HAUS2: variants seen among roughly 807,000 people sequenced by gnomAD.
The protein encoded by HAUS2 is HAUS augmin like complex subunit 2, also known as HAUS augmin-like complex subunit 2.
Under a neutral mutation model 21.6 loss-of-function variants are expected in HAUS2, and 20 were observed. That is an observed-to-expected ratio of 0.93 (90% CI 0.65 to 1.35). HAUS2 has a LOEUF of 1.35. HAUS2 is among the 40% of genes most tolerant of loss of function. The pLI is 0.00. For missense variants in HAUS2, 297 were observed against 280.7 expected, an observed-to-expected ratio of 1.06 and a Z score of -0.42; for synonymous variants, 113 against 95.6, an observed-to-expected ratio of 1.18 and a Z score of -1.06.
chr15:42,558,173 A>G (rs781474727), intron 1 of HAUS2, 25 bp from the exon 2 acceptor site: 2 of 1,003,708 alleles, frequency 2.0e-6, no homozygotes, highest in South Asian at 2.8e-5. Context: ...ACATTCTGCT[A>G]CTTTCCTTAT....
At chr15:42,562,588 C>G (rs939311734) in intron 4 of HAUS2, among the ~76,000 whole-genome samples, 72 of 152,248 alleles carry the variant, frequency 4.7e-4, no homozygotes, top group African/African-American at 1.7e-3. Flanking sequence ...GGGTGAGACT[C>G]TGTCTCAAAA....
intron 1 of HAUS2, among the ~76,000 whole-genome samples, chr15:42,555,237 C>T (rs542280935): frequency 9.2e-5 from 14 of 152,134 alleles, no homozygotes; most frequent in South Asian, 4.2e-4. Context: ...CTGCCCACCT[C>T]GGCCTCCCAA....
intron 3 of HAUS2, chr15:42,560,904 T>C (rs1236987913): frequency 1.4e-6 from 1 of 697,812 alleles, no homozygotes; most frequent in Non-Finnish European, 2.6e-6. Context: ...GGTGACTCTT[T>C]TTCGATGGTC....
chr15:42,558,182 A>T lies in HAUS2; in HGVS notation c.94-16A>T. ...TTTGTGACATTCTGCTACTTTCCTT[A>T]TTCATTTACCAATAGGAGATGTTAA... On this transcript the variant is annotated splice_polypyrimidine_tract_variant and intron_variant, in intron 1 of 5. Coordinates refer to ENST00000260372, the MANE Select transcript of HAUS2 (RefSeq NM_018097.3). 1 of 1,131,060 alleles carries T rather than the reference A, an allele frequency of 8.8e-7. No homozygotes were observed. The highest frequency in any genetic ancestry group is 1.3e-6 in the Non-Finnish European group (1 of 752,334). 70.1% of individuals were successfully genotyped at this position (1,131,060 alleles called of 1,614,324 possible). A position where few individuals can be genotyped will look rare whatever the true frequency, so the allele number is the denominator to read the frequency against.
At chr15:42,559,488 A>T (rs2057826887) in intron 3 of HAUS2, 80 bp downstream of exon 3, 2 of 795,630 alleles carry the variant, frequency 2.5e-6, no homozygotes, top group South Asian at 2.8e-5. Flanking sequence ...CAGTCAGTCA[A>T]ATTATGATAC....
chr15:42,548,878 C>A lies in HAUS2; in HGVS notation c.6C>A (p.Ala2=), dbSNP rs573761871. 2.6e-5 allele frequency: 40 copies of A among 1,549,166 alleles called. No individual in the cohort carries two copies. In the East Asian group the frequency reaches 7.8e-4, roughly 30 times the overall value. Residue 2 remains alanine, a synonymous_variant, in exon 1 of 6, where the codon GCC becomes GCA. Coordinates refer to ENST00000260372, the MANE Select transcript of HAUS2 (RefSeq NM_018097.3). ...GCGGAAGGTGCGTCCGAGCCATGGCCGCTGCCAACCCGTGGGACCCGGCGT... is the reference window on the plus strand; with the variant it reads ...GCGGAAGGTGCGTCCGAGCCATGGCAGCTGCCAACCCGTGGGACCCGGCGT... M[A]AANPWDPASA...
rs188293462 is a variant in HAUS2, at chr15:42,560,854, A to C, written c.257-416A>C. The C allele has an allele frequency of 5.3e-5, 37 of 702,090 alleles. No individual in the cohort carries two copies. The East Asian group carries it at 9.4e-4, about 18-fold the overall frequency. The allele number at this position is 702,090 out of a possible 1,614,324, so 43.5% of individuals were successfully genotyped here. ...TCAATTCTCCCGTTTCAGTCTCCCA[A>C]AACACTGCGATTACAGGTATGAGCT... On this transcript the variant is annotated intron_variant, in intron 3 of 5. Coordinates refer to ENST00000260372, the MANE Select transcript of HAUS2 (RefSeq NM_018097.3).
At chr15:42,555,796 G>A (rs1366426564) in intron 1 of HAUS2, among the ~76,000 whole-genome samples, 3 of 152,126 alleles carry the variant, frequency 2.0e-5, no homozygotes, top group Non-Finnish European at 4.4e-5. Flanking sequence ...AAGAGCCAGA[G>A]AGTAAATATG....
At chr15:42,555,273 A>G (rs1047792773) in intron 1 of HAUS2, among the ~76,000 whole-genome samples, 6 of 151,846 alleles carry the variant, frequency 4.0e-5, no homozygotes, top group Non-Finnish European at 8.8e-5. Flanking sequence ...GCCGTGAGCC[A>G]CGGCGCCCGG....
intron 1 of HAUS2, among the ~76,000 whole-genome samples, chr15:42,557,508 A>G (rs1312118362): frequency 5.0e-5 from 6 of 119,178 alleles, no homozygotes; most frequent in Admixed American, 1.8e-4. Flanking sequence ...TATATAATGT[A>G]TATATTATAT....
At chr15:42,559,520 G>A (rs1310313325) in intron 3 of HAUS2, 112 bp downstream of exon 3, 1 of 679,918 alleles carries the variant, frequency 1.5e-6, no homozygotes, top group Admixed American at 2.4e-5. Flanking sequence ...TCCAGGTGTT[G>A]TCCCAAAGCT....
At chr15:42,553,998 G>C (rs2057749316) in intron 1 of HAUS2, among the ~76,000 whole-genome samples, 2 of 152,170 alleles carry the variant, frequency 1.3e-5, no homozygotes, top group Admixed American at 6.5e-5. Flanking sequence ...AATATCTTGT[G>C]TTATCTACTT....
Position 42,561,381 on chromosome 15 carries a change from C to T in HAUS2, c.368C>T (p.Pro123Leu). The change falls in exon 4 of 6, where the codon CCT (proline) becomes CTT (leucine). Residue 123 changes from proline to leucine, a missense_variant. Coordinates refer to ENST00000260372, the MANE Select transcript of HAUS2 (RefSeq NM_018097.3). ...AAACCCATGTGCCAGGAAAACTTAC[C>T]TATTGAAGCTGTTTATCACAGGTTA... ...LLKPMCQENL[P>L]IEAVYHRYMV... 2 of 1,604,634 alleles carry T rather than the reference C, an allele frequency of 1.2e-6. No individual in the cohort carries two copies. Among genetic ancestry groups the T allele is most frequent in the Non-Finnish European group, 1.7e-6 (2 of 1,171,604 alleles).
At chr15:42,549,280 G>A (rs902154656) in intron 1 of HAUS2, among the ~76,000 whole-genome samples, 2 of 152,054 alleles carry the variant, frequency 1.3e-5, no homozygotes, top group African/African-American at 4.8e-5. Flanking sequence ...CTAGACTGTA[G>A]TGTAAGGGCG....
At position 42,566,588 on chromosome 15, in the gene HAUS2, C is replaced by G. The variant is rs1171565128; in HGVS notation, c.499-19C>G. On this transcript the variant is annotated intron_variant, in intron 5 of 5. Transcript: ENST00000260372. Reference sequence around the variant, plus strand: ...ATAAGAGACATAATTTCTCCTGTTTCCCTTTTCAAATGTTACAGAACCAGG... The same window carrying G: ...ATAAGAGACATAATTTCTCCTGTTTGCCTTTTCAAATGTTACAGAACCAGG... 3.0e-6 allele frequency: 4 copies of G among 1,343,110 alleles called. No homozygotes were observed. Among genetic ancestry groups the G allele is most frequent in the Admixed American group, 1.7e-5 (1 of 58,998 alleles). 83.2% of individuals were successfully genotyped at this position (1,343,110 alleles called of 1,614,324 possible).
intron 1 of HAUS2, among the ~76,000 whole-genome samples, chr15:42,550,284 G>GAAAAAAA (rs61442261): frequency 0.027 from 2,656 of 97,984 alleles, 42 homozygotes; most frequent in Non-Finnish European, 0.043. Flanking sequence ...CTGTCTCAGG[G>GAAAAAAA]AAAAAAAAAA....
At chr15:42,559,051 A>G (rs1289301225) in intron 2 of HAUS2, among the ~76,000 whole-genome samples, 1 of 152,172 alleles carries the variant, frequency 6.6e-6, no homozygotes. Flanking sequence ...TTTACTTACT[A>G]ATAGTAGTTA....
intron 1 of HAUS2, among the ~76,000 whole-genome samples, chr15:42,553,960 T>C (rs368826305): frequency 1.3e-4 from 20 of 152,212 alleles, no homozygotes; most frequent in East Asian, 7.7e-4. Flanking sequence ...AGTAATACTT[T>C]CCTGTTCCTC....
rs758589168 is a variant in HAUS2, at chr15:42,559,372, A to G, written c.220A>G (p.Lys74Glu). The G allele has an allele frequency of 1.2e-6, 2 of 1,606,646 alleles. No individual in the cohort carries two copies. Among genetic ancestry groups the G allele is most frequent in the African/African-American group, 1.3e-5 (1 of 74,870 alleles). ...NLEIELLKLE[K>E]DTADVVHPFF... The stretch of plus-strand genomic sequence containing the variant: ...GGAAATTGAACTCCTGAAACTAGAA[A>G]AAGATACAGCAGATGTTGTTCATCC... Residue 74 changes from lysine (K) to glutamate (E), a missense_variant, in exon 3 of 6, where the codon AAA becomes GAA. Lys to Glu is a moderately conservative substitution (Grantham distance 56). Transcript: ENST00000260372.
Sources: gnomAD v4.1 joint callset for allele counts (sites outside exome capture counted in the v4.1 genomes callset) on GRCh38, gnomAD v4.1.1 for gene constraint, MANE v1.5 for transcripts, NCBI Gene and HGNC (gene_info 2026-07-23, HGNC 2026-07-21) for gene names.